Variants in SNTG1 observed in about 807,000 individuals in gnomAD.
SNTG1 encodes the protein gamma-1-syntrophin.
A neutral mutation model predicts 74.7 loss-of-function variants in SNTG1; 39 were observed. That is an observed-to-expected ratio of 0.52 (90% CI 0.40 to 0.68). The LOEUF is 0.68. Among genes scored for constraint, SNTG1 ranks in the 30% least tolerant of loss-of-function variants. The probability of loss-of-function intolerance (pLI) is 0.00; values close to 1 mark genes in which losing one functional copy is unlikely to be tolerated. For missense variants in SNTG1, 685 were observed against 609.5 expected, an observed-to-expected ratio of 1.12 and a Z score of -1.30; for synonymous variants, 254 against 217.1, an observed-to-expected ratio of 1.17 and a Z score of -1.49.
chr8:50,492,532 A>T (rs2093866699), intron 8 of SNTG1, among the ~76,000 whole-genome samples: 1 of 152,214 alleles, frequency 6.6e-6, no homozygotes, highest in Non-Finnish European at 1.5e-5. Context: ...GGCCACATAA[A>T]TGCCTCCTTT....
At chr8:50,363,610 T>C (rs2092024774) in intron 2 of SNTG1, among the ~76,000 whole-genome samples, 1 of 152,188 alleles carries the variant, frequency 6.6e-6, no homozygotes, top group Non-Finnish European at 1.5e-5. Context: ...ACATATTGGA[T>C]TTTGATTATG....
chr8:50,593,631 T>A (rs773689739), intron 13 of SNTG1, among the ~76,000 whole-genome samples: 2 of 152,086 alleles, frequency 1.3e-5, no homozygotes, highest in Non-Finnish European at 1.5e-5. Flanking sequence ...CCTACTTCAC[T>A]TTTCATGAGG....
intron 2 of SNTG1, among the ~76,000 whole-genome samples, chr8:50,226,405 G>A (rs2085330625): frequency 6.6e-6 from 1 of 151,980 alleles, no homozygotes; most frequent in Non-Finnish European, 1.5e-5. Context: ...TCTCTATTAA[G>A]ATAGCTAGTT....
At chr8:50,668,516 T>G (rs2095261739) in intron 15 of SNTG1, among the ~76,000 whole-genome samples, 1 of 149,794 alleles carries the variant, frequency 6.7e-6, no homozygotes, top group African/African-American at 2.5e-5. Context: ...TTATTATTAT[T>G]ATTATTATTA....
intron 12 of SNTG1, among the ~76,000 whole-genome samples, chr8:50,571,363 C>A (rs926085253): frequency 3.9e-5 from 6 of 152,182 alleles, no homozygotes; most frequent in African/African-American, 1.4e-4. Context: ...TAATTGATCC[C>A]CAGGTGACAT....
chr8:50,183,795 T>A (rs186984304), intron 2 of SNTG1, among the ~76,000 whole-genome samples: 117 of 152,320 alleles, frequency 7.7e-4, no homozygotes, highest in Non-Finnish European at 2.8e-4. Context: ...GAGTCATCAT[T>A]TGTCTGAATT....
chr8:50,028,384 A>G (rs1237527654), intron 1 of SNTG1, among the ~76,000 whole-genome samples: 1 of 152,106 alleles, frequency 6.6e-6, no homozygotes, highest in Non-Finnish European at 1.5e-5. Flanking sequence ...ATTAGTTTAC[A>G]GGTTTTGGTT....
chr8:50,586,781 T>C (rs1031058561), intron 12 of SNTG1, among the ~76,000 whole-genome samples: 5 of 152,046 alleles, frequency 3.3e-5, no homozygotes, highest in Admixed American at 2.6e-4. Context: ...TTGAAAAATG[T>C]GTATTCTGGG....
At chr8:50,611,853 A>G (rs928168161) in intron 13 of SNTG1, among the ~76,000 whole-genome samples, 6 of 151,976 alleles carry the variant, frequency 3.9e-5, no homozygotes, top group African/African-American at 1.5e-4. Flanking sequence ...CACACCCTTG[A>G]CCTCCTGGGT....
intron 2 of SNTG1, among the ~76,000 whole-genome samples, chr8:50,299,065 G>GTAAATACAAA (rs2089523268): frequency 6.6e-6 from 1 of 152,148 alleles, no homozygotes; most frequent in South Asian, 2.1e-4. Context: ...ATCAAATAAA[G>GTAAATACAAA]TAATTACAAA....
intron 2 of SNTG1, among the ~76,000 whole-genome samples, chr8:50,237,762 T>G (rs2085980353): frequency 6.6e-6 from 1 of 152,148 alleles, no homozygotes; most frequent in Non-Finnish European, 1.5e-5. Flanking sequence ...TCATATTGTC[T>G]CCTGAGTCTA....
intron 1 of SNTG1, among the ~76,000 whole-genome samples, chr8:50,151,994 A>G (rs1172643293): frequency 6.6e-6 from 1 of 151,992 alleles, no homozygotes; most frequent in Non-Finnish European, 1.5e-5. Context: ...TGATCTGTCT[A>G]ATGTTGACAG....
At chr8:50,777,597 C>T (rs1262715478) in intron 18 of SNTG1, among the ~76,000 whole-genome samples, 2 of 151,650 alleles carry the variant, frequency 1.3e-5, no homozygotes, top group Non-Finnish European at 1.5e-5. Flanking sequence ...TATTTGTCAA[C>T]TGATTCTAAA....
intron 1 of SNTG1, among the ~76,000 whole-genome samples, chr8:49,951,437 G>T (rs1175034330): frequency 1.3e-5 from 2 of 152,024 alleles, no homozygotes; most frequent in East Asian, 3.9e-4. Context: ...CTGAGACGCT[G>T]GCCCCATCAG....
chr8:50,215,464 ATATATATATATAGAC>A (rs758123813), intron 2 of SNTG1, among the ~76,000 whole-genome samples: 2,648 of 144,532 alleles, frequency 0.018, 38 homozygotes, highest in Non-Finnish European at 0.029. Context: ...TCTCTATATA[ATATATATATATAGAC>A]TATATATATA....
chr8:50,769,402 G>A (rs72645846), intron 18 of SNTG1, among the ~76,000 whole-genome samples: 14,698 of 151,878 alleles, frequency 0.097, 772 homozygotes, highest in Middle Eastern at 0.13. Flanking sequence ...TTTTAAAGTT[G>A]AAGACCTTCT....
chr8:50,163,375 T>A (rs1217433794), intron 1 of SNTG1: 1 of 152,068 alleles, frequency 6.6e-6, no homozygotes, highest in Non-Finnish European at 1.5e-5. Context: ...TTCCAAAATA[T>A]AATTTTTCCA....
Position 50,708,931 on chromosome 8 carries a change from A to G in SNTG1, c.1237A>G (p.Thr413Ala). 6.2e-7 allele frequency: 1 copy of G among 1,613,942 alleles called. No homozygotes were observed. The highest frequency in any genetic ancestry group is 8.5e-7 in the Non-Finnish European group (1 of 1,179,928). Residue 413 changes from threonine (T) to alanine (A), a missense_variant, in exon 17 of 19, where the codon ACA (threonine) becomes GCA (alanine). By Grantham distance (58) the Thr-to-Ala change is moderately conservative (BLOSUM62 0). Coordinates refer to ENST00000642720, the MANE Select transcript of SNTG1 (RefSeq NM_018967.5). ...GCTAGAAAGTCATCTAATGGGACTC[A>G]CAATTGATTTCAGCACAGGATTTAT... Reference protein sequence around the residue: ...CVLESHLMGLTIDFSTGFICF... With the variant: ...CVLESHLMGLAIDFSTGFICF...
rs765763202 is a variant in SNTG1, at chr8:49,949,706, C to T, written c.-103+37475C>T. 3.9e-5 allele frequency among the ~76,000 whole-genome samples: 6 copies of T among 152,256 alleles called. No homozygotes were observed. In the East Asian group the frequency reaches 1.2e-3, roughly 29 times the overall value. ...CATGTGCTCATAGGTAGGTTGTTTG[C>T]CTAAGATTGCCATACTTCCAGAAGC... On this transcript the variant is annotated intron_variant, in intron 1 of 18. Transcript: ENST00000642720.
Sources: allele counts gnomAD v4.1 joint callset (sites outside exome capture counted in the v4.1 genomes callset), GRCh38; gene constraint gnomAD v4.1.1; transcripts MANE v1.5; gene names NCBI Gene and HGNC (gene_info 2026-07-23, HGNC 2026-07-21).